FOCAD: variants seen among roughly 807,000 people sequenced by gnomAD.
The protein encoded by FOCAD is focadhesin, also known as KIAA1797.
A neutral mutation model predicts 225.6 loss-of-function variants in FOCAD; 198 were observed. That is an observed-to-expected ratio of 0.88 (90% CI 0.78 to 0.99). FOCAD has a LOEUF of 0.99. Ranked by LOEUF, FOCAD falls within the 50% of genes least tolerant of loss-of-function variation. The pLI, the probability that FOCAD is intolerant of heterozygous loss-of-function variation, is 0.00. For missense variants in FOCAD, 2,713 were observed against 2,123.6 expected (o/e 1.28, Z -5.46); for synonymous variants, 897 against 755.0 (o/e 1.19, Z -3.08).
intron 5 of FOCAD, among the ~76,000 whole-genome samples, chr9:20,741,676 CTTTTTTT>C (rs10675694): frequency 3.4e-5 from 3 of 87,166 alleles, no homozygotes; most frequent in African/African-American, 8.9e-5. Context: ...GGTAAATATG[CTTTTTTT>C]TTTTTTTTTT....
intron 35 of FOCAD, among the ~76,000 whole-genome samples, chr9:20,961,887 A>G (rs757256855): frequency 3.3e-5 from 5 of 152,182 alleles, no homozygotes. Flanking sequence ...ACAAAATGTT[A>G]TTGAAATATT....
intron 2 of FOCAD, among the ~76,000 whole-genome samples, chr9:20,664,263 GTTGACTAAGTGATCTGACATA>G (rs1821830026): frequency 6.7e-6 from 1 of 148,798 alleles, no homozygotes; most frequent in Non-Finnish European, 1.5e-5. Context: ...GTGAGACAAG[GTTGACTAAGTGATCTGACATA>G]TTGACTAAGT....
At chr9:20,969,190 T>G (rs920114369) in intron 35 of FOCAD, among the ~76,000 whole-genome samples, 4 of 151,868 alleles carry the variant, frequency 2.6e-5, no homozygotes, top group African/African-American at 9.7e-5. Context: ...GTCTGACATG[T>G]GGTAAGTCTT....
intron 11 of FOCAD, among the ~76,000 whole-genome samples, chr9:20,790,483 T>G (rs1052986128): frequency 1.3e-5 from 2 of 152,176 alleles, no homozygotes; most frequent in African/African-American, 4.8e-5. Flanking sequence ...ATCTGAGATA[T>G]GAAGTTAACT....
chr9:20,919,962 G>A (rs930143827), intron 24 of FOCAD, among the ~76,000 whole-genome samples: 3 of 151,810 alleles, frequency 2.0e-5, no homozygotes, highest in African/African-American at 7.3e-5. Flanking sequence ...ATTGACAAAT[G>A]GGATCTAATT....
chr9:20,689,679 T>C (rs1822864415), intron 1 of FOCAD, among the ~76,000 whole-genome samples: 2 of 152,138 alleles, frequency 1.3e-5, no homozygotes, highest in Non-Finnish European at 2.9e-5. Context: ...GAGTAAAGAT[T>C]ATTTAGAGGA....
intron 15 of FOCAD, among the ~76,000 whole-genome samples, chr9:20,847,814 A>T (rs1043105862): frequency 2.0e-5 from 3 of 152,116 alleles, no homozygotes; most frequent in Non-Finnish European, 4.4e-5. Flanking sequence ...TCACTTTGCC[A>T]AATGTCTTTA....
chr9:20,964,887 C>T (rs1003325897), intron 35 of FOCAD, among the ~76,000 whole-genome samples: 9 of 151,996 alleles, frequency 5.9e-5, no homozygotes, highest in South Asian at 2.1e-4. Context: ...CACTGGAAGG[C>T]GCACTACTAT....
At chr9:20,936,599 C>A (rs1024976297) in intron 28 of FOCAD, among the ~76,000 whole-genome samples, 1 of 152,046 alleles carries the variant, frequency 6.6e-6, no homozygotes, top group African/African-American at 2.4e-5. Context: ...GAGGCCGAGG[C>A]AGGTGGATCA....
chr9:20,763,225 G>A (rs755800494), intron 6 of FOCAD, among the ~76,000 whole-genome samples: 19 of 152,176 alleles, frequency 1.2e-4, no homozygotes, highest in Non-Finnish European at 2.6e-4. Flanking sequence ...TGAAGGCCTA[G>A]TATGTACAGT....
At chr9:20,885,870 A>G (rs1319442341) in intron 21 of FOCAD, among the ~76,000 whole-genome samples, 2 of 152,186 alleles carry the variant, frequency 1.3e-5, no homozygotes, top group Non-Finnish European at 2.9e-5. Context: ...TGAATGAATA[A>G]CAAAACAAAA....
intron 2 of FOCAD, among the ~76,000 whole-genome samples, 158 bp downstream of exon 2, chr9:20,715,568 A>G (rs1825264981): frequency 1.3e-5 from 2 of 152,144 alleles, no homozygotes; most frequent in South Asian, 2.1e-4. Flanking sequence ...TTGAAAATAT[A>G]TATTTGACAT....
chr9:20,702,026 CA>C (rs1384173614), intron 1 of FOCAD, among the ~76,000 whole-genome samples: 1 of 152,092 alleles, frequency 6.6e-6, no homozygotes, highest in Admixed American at 6.5e-5. Context: ...TTGCTATGTT[CA>C]TGGCTCTGAG....
intron 35 of FOCAD, among the ~76,000 whole-genome samples, chr9:20,955,089 G>A (rs576715957): frequency 5.9e-5 from 9 of 152,316 alleles, no homozygotes; most frequent in African/African-American, 2.2e-4. Context: ...CTGATAGGAA[G>A]GATGGCAACT....
At chr9:20,786,702 A>G (rs1819955535) in intron 10 of FOCAD, among the ~76,000 whole-genome samples, 1 of 152,206 alleles carries the variant, frequency 6.6e-6, no homozygotes, top group African/African-American at 2.4e-5. Context: ...AAGTACTATC[A>G]GATGTTTATC....
chr9:20,791,339 C>G (rs1367838394), intron 11 of FOCAD, among the ~76,000 whole-genome samples: 1 of 151,746 alleles, frequency 6.6e-6, no homozygotes, highest in African/African-American at 2.4e-5. Flanking sequence ...AGTTTTTTCC[C>G]CTTTATTTTT....
At chr9:20,794,751 A>C (rs986456988) in intron 11 of FOCAD, among the ~76,000 whole-genome samples, 4 of 152,188 alleles carry the variant, frequency 2.6e-5, no homozygotes, top group African/African-American at 9.7e-5. Context: ...TTAATAGCAC[A>C]CTGGGTATTG....
chr9:20,781,731 G>A lies in FOCAD; in HGVS notation c.999G>A (p.Leu333=), dbSNP rs150907480. The change falls in exon 10 of 44, where the codon TTG becomes TTA. Residue 333 remains leucine, a synonymous_variant. Transcript: ENST00000338382. The stretch of plus-strand genomic sequence containing the variant: ...CATTATTGTTTTGATGAATAGCTTT[G>A]AAGCTCCTCTCTGTTACTGAGGATC... ...SQQKPILNLA[L]KLLSVTEDQK... The A allele has an allele frequency of 1.9e-5, 30 of 1,613,064 alleles. No individual in the cohort carries two copies. The African/African-American group carries it at 3.2e-4, about 17-fold the overall frequency.
chr9:20,964,400 G>GA (rs760866503), intron 35 of FOCAD, among the ~76,000 whole-genome samples: 5 of 151,772 alleles, frequency 3.3e-5, no homozygotes, highest in Non-Finnish European at 7.4e-5. Context: ...TCTCAGAAAA[G>GA]AAAAAATAAT....
Sources: allele counts gnomAD v4.1 joint callset (sites outside exome capture counted in the v4.1 genomes callset), GRCh38; gene constraint gnomAD v4.1.1; transcripts MANE v1.5; gene names NCBI Gene and HGNC (gene_info 2026-07-23, HGNC 2026-07-21).